Variants in CLNS1A observed in about 807,000 individuals in gnomAD.
The protein encoded by CLNS1A is methylosome subunit pICln.
Under a neutral mutation model 29.4 loss-of-function variants are expected in CLNS1A, and 16 were observed. The observed-to-expected ratio is 0.54, with a 90% CI of 0.37 to 0.83. CLNS1A has a LOEUF of 0.83. CLNS1A is among the 40% of genes least tolerant of loss of function. The pLI is 0.00. For synonymous variants in CLNS1A, 96 were observed against 104.8 expected (o/e 0.92, Z 0.51); for missense variants, 235 against 287.4 (o/e 0.82, Z 1.32).
chr11:77,631,317 T>C (rs1198945588), intron 1 of CLNS1A, among the ~76,000 whole-genome samples: 10 of 151,766 alleles, frequency 6.6e-5, no homozygotes, highest in African/African-American at 1.9e-4. Flanking sequence ...ACTTACGTAA[T>C]TGTATACTTT....
chr11:77,632,166 T>G lies in CLNS1A; in HGVS notation c.126-2267A>C, dbSNP rs562415724. 4.6e-5 allele frequency among the ~76,000 whole-genome samples: 7 copies of G among 152,364 alleles called. No homozygotes were observed. In the East Asian group the frequency reaches 1.3e-3, roughly 29 times the overall value. On this transcript the variant is annotated intron_variant, in intron 1 of 6. Transcript: ENST00000525428. ...TGAGGTTATGTGCTGTATGCATCTT[T>G]CCTGCCCACTGCTTTCCTTTTAATG...
intron 5 of CLNS1A, chr11:77,621,850 T>C (rs1000678528): frequency 1.2e-5 from 5 of 405,244 alleles, no homozygotes; most frequent in African/African-American, 2.1e-5. Flanking sequence ...GAGGCCTCAA[T>C]AGGAAAAAGA....
intron 2 of CLNS1A, among the ~76,000 whole-genome samples, chr11:77,628,143 T>C (rs1264215585): frequency 6.6e-6 from 1 of 152,172 alleles, no homozygotes; most frequent in Non-Finnish European, 1.5e-5. Context: ...AGTTTTCTTA[T>C]TCAATGTGCT....
rs1460552964 is a variant in CLNS1A at position 77,637,706 on chromosome 11, G to C, written c.9C>G (p.Phe3Leu). MS[F>L]LKSFPPPGPA... ...GCCCAGGCGGCGGGAAACTTTTGAG[G>C]AAGCTCATAGCAGCAGAGTGCGGCA... The change falls in exon 1 of 7, where the codon TTC becomes TTG. Residue 3 changes from phenylalanine to leucine, a missense_variant. Physicochemically the swap from Phe to Leu is conservative, Grantham distance 22. Transcript: ENST00000525428. 1 of 1,557,178 alleles carries C rather than the reference G, an allele frequency of 6.4e-7. No individual in the cohort carries two copies. The highest frequency in any genetic ancestry group is 1.4e-5 in the African/African-American group (1 of 73,282).
At chr11:77,625,299 A>G (rs1299716426) in intron 3 of CLNS1A, 2 of 520,666 alleles carry the variant, frequency 3.8e-6, no homozygotes, top group Non-Finnish European at 3.4e-6. Context: ...CCAAGAAAAA[A>G]GGGTCAGAGT....
chr11:77,627,982 C>T (rs564975938), intron 2 of CLNS1A, among the ~76,000 whole-genome samples: 62 of 152,190 alleles, frequency 4.1e-4, no homozygotes, highest in African/African-American at 1.4e-3. Context: ...CCCGCCACCA[C>T]GCCCAGCTAA....
rs1958895050 is a variant in CLNS1A at position 77,614,824 on chromosome 11, T to C, written c.*1894A>G. ...AAAACAATTCCAGCAACCCTAAAATTAGGCTCAAATGAAATCAATAAATAT... is the reference window on the plus strand; with the variant it reads ...AAAACAATTCCAGCAACCCTAAAATCAGGCTCAAATGAAATCAATAAATAT... On this transcript the variant is annotated 3_prime_UTR_variant, in exon 7 of 7. Coordinates refer to ENST00000525428, the MANE Select transcript of CLNS1A (RefSeq NM_001293.3). The C allele has an allele frequency of 6.6e-6, 1 of 152,198 alleles. No individual in the cohort carries two copies. Among genetic ancestry groups the C allele is most frequent in the African/African-American group, 2.4e-5 (1 of 41,456 alleles). 9.4% of individuals were successfully genotyped at this position (152,198 alleles called of 1,614,324 possible). A position where few individuals can be genotyped will look rare whatever the true frequency, so the allele number is the denominator to read the frequency against.
chr11:77,626,026 C>A (rs1218110164), intron 2 of CLNS1A, among the ~76,000 whole-genome samples: 1 of 152,120 alleles, frequency 6.6e-6, no homozygotes, highest in Non-Finnish European at 1.5e-5. Flanking sequence ...CGCACCTTGG[C>A]CTCCCAAAGT....
At chr11:77,633,973 G>A (rs1959098514) in intron 1 of CLNS1A, among the ~76,000 whole-genome samples, 1 of 152,034 alleles carries the variant, frequency 6.6e-6, no homozygotes, top group Admixed American at 6.6e-5. Context: ...GGTGGTGCAT[G>A]CCTGTTAATC....
rs112412131 is a variant in CLNS1A, at chr11:77,617,318, G to A, written c.*23-623C>T. ...GGGGGGGCGGAGGATTCGGTGAGCC[G>A]ATTGCACCATTGCACTCCAGCCTGG... On this transcript the variant is annotated intron_variant, in intron 6 of 6. Coordinates refer to ENST00000525428, the MANE Select transcript of CLNS1A (RefSeq NM_001293.3). Among the ~76,000 whole-genome samples, 1,241 of 132,714 alleles carry A rather than the reference G, an allele frequency of 9.4e-3. 15 individuals are homozygous for A. The highest frequency in any genetic ancestry group is 0.031 in the African/African-American group (1,082 of 34,412). 87.1% of individuals were successfully genotyped at this position (132,714 alleles called of 152,430 possible).
chr11:77,619,283 G>C (rs1469312370), intron 6 of CLNS1A, among the ~76,000 whole-genome samples: 1 of 152,224 alleles, frequency 6.6e-6, no homozygotes, highest in Non-Finnish European at 1.5e-5. Context: ...TGTAATCCCA[G>C]TACTTTCGGA....
At chr11:77,632,455 CATA>C (rs1959084145) in intron 1 of CLNS1A, among the ~76,000 whole-genome samples, 1 of 152,148 alleles carries the variant, frequency 6.6e-6, no homozygotes, top group South Asian at 2.1e-4. Flanking sequence ...TAAAAGCCAT[CATA>C]ATACCTCTGT....
rs143945724 is a variant in CLNS1A, at chr11:77,625,731, C to G, written c.350G>C (p.Ser117Thr). 3.1e-5 allele frequency: 50 copies of G among 1,612,072 alleles called. No individual in the cohort carries two copies. The East Asian group carries it at 9.4e-4, about 30-fold the overall frequency. ...AGAACACTCACACGCTGATTTATCA[C>G]TAGGCACAAATCTAAATTCAGTAAT... ...EPITEFRFVP[S>T]DKSALEAMFT... is the part of the protein sequence containing the mutation. Residue 117 changes from serine (S) to threonine (T), a missense_variant, in exon 3 of 7, where the codon AGT becomes ACT. Transcript: ENST00000525428.
intron 2 of CLNS1A, 39 bp downstream of exon 2, chr11:77,629,724 T>C: frequency 6.3e-7 from 1 of 1,593,610 alleles, no homozygotes; most frequent in Non-Finnish European, 8.6e-7. Context: ...TATAATTTGC[T>C]ATCAAAGGAG....
At chr11:77,625,694 A>T (rs1565126655) in intron 3 of CLNS1A, 23 bp downstream of exon 3, 1 of 1,596,434 alleles carries the variant, frequency 6.3e-7, no homozygotes, top group South Asian at 1.1e-5. Flanking sequence ...AAAGGGGAAG[A>T]ATCAATACTG....
intron 1 of CLNS1A, among the ~76,000 whole-genome samples, chr11:77,636,147 C>T (rs1452563632): frequency 6.6e-6 from 1 of 152,026 alleles, no homozygotes; most frequent in Admixed American, 6.6e-5. Context: ...CACGGCTCAC[C>T]GCAGCCTCGA....
intron 5 of CLNS1A, among the ~76,000 whole-genome samples, chr11:77,621,153 G>C (rs1291129502): frequency 6.6e-6 from 1 of 151,968 alleles, no homozygotes; most frequent in African/African-American, 2.4e-5. Flanking sequence ...AAAATTAGCT[G>C]GGCACGATAG....
intron 1 of CLNS1A, among the ~76,000 whole-genome samples, chr11:77,632,797 A>G (rs953333030): frequency 2.6e-5 from 4 of 152,130 alleles, no homozygotes; most frequent in South Asian, 4.1e-4. Flanking sequence ...AAGATTTGAC[A>G]TTATAAGCCG....
chr11:77,629,646 G>A (rs945693585), intron 2 of CLNS1A, 117 bp downstream of exon 2: 5 of 884,176 alleles, frequency 5.7e-6, no homozygotes, highest in Middle Eastern at 3.6e-4. Context: ...CGCCCGCCTC[G>A]GCCTCCCAGA....
Sources: allele counts gnomAD v4.1 joint callset (sites outside exome capture counted in the v4.1 genomes callset), GRCh38; gene constraint gnomAD v4.1.1; transcripts MANE v1.5; gene names NCBI Gene and HGNC (gene_info 2026-07-23, HGNC 2026-07-21).